Variants in LARP4 observed in about 807,000 individuals in gnomAD.
LARP4 encodes the protein La ribonucleoprotein 4.
A neutral mutation model predicts 92.9 loss-of-function variants in LARP4; 29 were observed. That is an observed-to-expected ratio of 0.31 (90% CI 0.23 to 0.43). LARP4 has a LOEUF of 0.43. LARP4 is among the 20% of genes least tolerant of loss of function. The pLI, the probability that LARP4 is intolerant of heterozygous loss-of-function variation, is 1.00. For synonymous variants in LARP4, 279 were observed against 284.1 expected (o/e 0.98, Z 0.18); for missense variants, 732 against 860.0 (o/e 0.85, Z 1.86).
intron 1 of LARP4, among the ~76,000 whole-genome samples, chr12:50,411,374 G>A (rs1945859919): frequency 6.6e-6 from 1 of 151,918 alleles, no homozygotes; most frequent in Non-Finnish European, 1.5e-5. Context: ...TTTTGAGATG[G>A]ATTTTTGCTC....
intron 1 of LARP4, chr12:50,402,790 A>G (rs775098203): frequency 2.2e-5 from 10 of 455,608 alleles, no homozygotes; most frequent in African/African-American, 4.0e-5. Context: ...GATGTTAGCA[A>G]TTCAGGCCTG....
chr12:50,435,577 TA>T lies in LARP4; in HGVS notation c.494del (p.Lys165SerfsTer2). The T allele has an allele frequency of 6.2e-7, 1 of 1,607,722 alleles. No individual in the cohort carries two copies. The highest frequency in any genetic ancestry group is 8.5e-7 in the Non-Finnish European group (1 of 1,174,372). ...TGGACAGTTGCCAACATGGAAGAAA[TA>T]AAAAAGTTGACTACAGACCCTGATC... ...PIWTVANMEEIKKLTTDPDLI... is the reference protein window; with the variant it reads ...PIWTVANMEEXKKLTTDPDLI... On this transcript the variant is annotated frameshift_variant, in exon 5 of 16. Coordinates refer to ENST00000398473, the MANE Select transcript of LARP4 (RefSeq NM_052879.5). LOFTEE classifies it high-confidence loss of function.
At chr12:50,412,896 G>C (rs150843243) in intron 1 of LARP4, among the ~76,000 whole-genome samples, 2 of 152,202 alleles carry the variant, frequency 1.3e-5, no homozygotes, top group African/African-American at 4.8e-5. Context: ...TCAAGATTTT[G>C]ATGGCGGTCT....
intron 8 of LARP4, among the ~76,000 whole-genome samples, chr12:50,450,240 A>G (rs1040622661): frequency 9.9e-5 from 15 of 151,904 alleles, no homozygotes; most frequent in Non-Finnish European, 1.6e-4. Context: ...AGCCGTAGCA[A>G]TCTTTACTGG....
chr12:50,435,300 A>G (rs1950247428), intron 4 of LARP4, among the ~76,000 whole-genome samples, 188 bp from the exon 5 acceptor site: 1 of 152,248 alleles, frequency 6.6e-6, no homozygotes. Context: ...GTTTATGTAT[A>G]TATTACATTA....
rs1161898605 is a variant in LARP4, at chr12:50,426,685, GTGTGT to G, written c.19-1076_19-1072del. 7.5e-3 allele frequency among the ~76,000 whole-genome samples: 255 copies of G among 34,220 alleles called. 2 individuals are homozygous for G. Among genetic ancestry groups the G allele is most frequent in the Middle Eastern group, 0.021 (1 of 48 alleles). The allele number at this position is 34,220 out of a possible 152,430, so 22.4% of individuals were successfully genotyped here. On this transcript the variant is annotated intron_variant, in intron 1 of 15. Coordinates refer to ENST00000398473, the MANE Select transcript of LARP4 (RefSeq NM_052879.5). The stretch of plus-strand genomic sequence containing the variant: ...CATGGAACAGGGCATTATGTTTGGG[GTGTGT>G]GTGTGTGTGTGTGTGTGTGTGTGTG...
At chr12:50,454,236 C>A in intron 9 of LARP4, 78 bp from the exon 10 acceptor site, 2 of 986,700 alleles carry the variant, frequency 2.0e-6, no homozygotes, top group South Asian at 1.6e-5. Context: ...AATTCATAAG[C>A]TCATTAAGGT....
chr12:50,403,355 G>GTGTA (rs2136193176), intron 1 of LARP4, among the ~76,000 whole-genome samples: 2 of 152,340 alleles, frequency 1.3e-5, no homozygotes, highest in South Asian at 4.1e-4. Flanking sequence ...GGCAGCAACA[G>GTGTA]TGTATGTGAC....
chr12:50,426,370 C>G (rs1336302524), intron 1 of LARP4, among the ~76,000 whole-genome samples: 1 of 152,168 alleles, frequency 6.6e-6, no homozygotes, highest in African/African-American at 2.4e-5. Context: ...CTCCCCAACA[C>G]ACAAATAAAT....
chr12:50,438,274 G>A (rs1484501675), intron 6 of LARP4, among the ~76,000 whole-genome samples: 1 of 152,024 alleles, frequency 6.6e-6, no homozygotes, highest in East Asian at 1.9e-4. Context: ...TGAGGCAGGC[G>A]GATCGTGAGG....
chr12:50,401,223 T>TGA, intron 1 of LARP4, 195 bp downstream of exon 1: 2 of 673,668 alleles, frequency 3.0e-6, no homozygotes, highest in Non-Finnish European at 5.3e-6. Context: ...CTATGGGAGG[T>TGA]GAGGCCCGTA....
chr12:50,424,661 C>T (rs1315657934), intron 1 of LARP4, among the ~76,000 whole-genome samples: 1 of 151,840 alleles, frequency 6.6e-6, no homozygotes, highest in African/African-American at 2.4e-5. Flanking sequence ...CCCAGCCAAC[C>T]CTGTCTTTAA....
intron 1 of LARP4, chr12:50,402,695 AG>A (rs1944092115): frequency 4.5e-6 from 2 of 441,320 alleles, no homozygotes; most frequent in Non-Finnish European, 9.0e-6. Context: ...CGAGCCCCAG[AG>A]GTTAAAGTAA....
intron 1 of LARP4, among the ~76,000 whole-genome samples, chr12:50,422,381 T>G (rs1393615048): frequency 4.6e-5 from 7 of 152,232 alleles, no homozygotes; most frequent in Admixed American, 4.6e-4. Flanking sequence ...CAGCTGTTTT[T>G]TCCACTCTAT....
At chr12:50,474,209 G>C in intron 15 of LARP4, 42 bp downstream of exon 15, 3 of 1,430,096 alleles carry the variant, frequency 2.1e-6, no homozygotes, top group African/African-American at 1.4e-5. Context: ...AAATACAATA[G>C]ATTAGATTTT....
At chr12:50,422,336 GT>G (rs1276400551) in intron 1 of LARP4, among the ~76,000 whole-genome samples, 1 of 152,124 alleles carries the variant, frequency 6.6e-6, no homozygotes, top group Non-Finnish European at 1.5e-5. Flanking sequence ...CACAGAATTA[GT>G]TTAACACGTT....
Position 50,473,870 on chromosome 12 carries a change from A to G in LARP4, c.1668-129A>G, listed in dbSNP as rs573356544. On this transcript the variant is annotated intron_variant, in intron 14 of 15. Coordinates refer to ENST00000398473, the MANE Select transcript of LARP4 (RefSeq NM_052879.5). ...GGTTGCAGTGAGCCAAGAGCATGCC[A>G]CTACACTCCAGCCTGGGTGACAGAG... The G allele has an allele frequency of 6.5e-5, 42 of 649,848 alleles. No individual in the cohort carries two copies. The African/African-American group carries it at 7.2e-4, about 11-fold the overall frequency. 40.3% of individuals were successfully genotyped at this position (649,848 alleles called of 1,614,324 possible). A position where few individuals can be genotyped will look rare whatever the true frequency, so the allele number is the denominator to read the frequency against.
chr12:50,462,659 T>C (rs1389312081), intron 12 of LARP4, 29 bp downstream of exon 12: 1 of 1,371,680 alleles, frequency 7.3e-7, no homozygotes, highest in African/African-American at 1.5e-5. Context: ...TTATTCAGAC[T>C]TTTTTCTCTT....
intron 13 of LARP4, among the ~76,000 whole-genome samples, chr12:50,472,899 A>G (rs770247899): frequency 6.6e-5 from 10 of 151,314 alleles, no homozygotes; most frequent in South Asian, 2.1e-4. Context: ...GGCTCACTGC[A>G]ACCTCCGCCT....
Sources: gnomAD v4.1 joint callset for allele counts (sites outside exome capture counted in the v4.1 genomes callset) on GRCh38, gnomAD v4.1.1 for gene constraint, MANE v1.5 for transcripts, NCBI Gene and HGNC (gene_info 2026-07-23, HGNC 2026-07-21) for gene names.